DCAF6: variants seen among roughly 807,000 people sequenced by gnomAD.
DCAF6 encodes DDB1- and CUL4-associated factor 6.
In DCAF6, 54 loss-of-function variants were observed where a neutral mutation model predicts 125.1. The ratio of observed to expected loss-of-function variants is 0.43; its 90% confidence interval spans 0.35 to 0.54. The LOEUF (loss-of-function observed/expected upper bound fraction) is 0.54. DCAF6 is among the 20% of genes least tolerant of loss of function. DCAF6 has a pLI of 0.01. For missense variants in DCAF6, 934 were observed against 1,161.7 expected (o/e 0.80, Z 2.85); for synonymous variants, 371 against 390.4 (o/e 0.95, Z 0.58).
intron 11 of DCAF6, 107 bp downstream of exon 11, chr1:168,016,058 C>A: frequency 1.0e-6 from 1 of 997,924 alleles, no homozygotes; most frequent in Non-Finnish European, 1.3e-6. Flanking sequence ...AGCTAATGCG[C>A]TTGCAGCTTA....
At chr1:167,905,200 T>C in the DCAF6 span, 3 of 1,580,056 alleles carry the variant, frequency 1.9e-6, no homozygotes, top group South Asian at 3.3e-5. Flanking sequence ...ATAGGTCTTC[T>C]AAAAAGAAAA....
intron 21 of DCAF6, among the ~76,000 whole-genome samples, chr1:168,074,249 C>G (rs1189259232): frequency 1.3e-5 from 2 of 151,838 alleles, no homozygotes; most frequent in African/African-American, 4.8e-5. Context: ...GCATTTAATC[C>G]TGTGTAGATA....
intron 10 of DCAF6, 104 bp from the exon 11 acceptor site, chr1:168,015,677 A>T (rs1278718885): frequency 9.9e-7 from 1 of 1,010,470 alleles, no homozygotes; most frequent in East Asian, 3.0e-5. Context: ...TCTATGAGAC[A>T]TGTGTTTTGT....
At chr1:168,025,962 C>T (rs1266730530) in intron 12 of DCAF6, among the ~76,000 whole-genome samples, 6 of 152,196 alleles carry the variant, frequency 3.9e-5, no homozygotes, top group African/African-American at 1.4e-4. Flanking sequence ...AATAGACTTA[C>T]TTTCATTTCT....
intron 13 of DCAF6, 26 bp downstream of exon 13, chr1:168,038,514 T>C: frequency 6.8e-7 from 1 of 1,467,716 alleles, no homozygotes. Flanking sequence ...TGTAAAGATG[T>C]TCTTAGCCAT....
the DCAF6 span, among the ~76,000 whole-genome samples, chr1:167,866,023 C>T: frequency 2.6e-5 from 4 of 152,204 alleles, no homozygotes; most frequent in South Asian, 8.3e-4. Context: ...AGAGAGGAAA[C>T]TTAGGATTCC....
Position 168,049,437 on chromosome 1 carries a change from T to G in DCAF6, c.2259-1455T>G, listed in dbSNP as rs200292246. Among the ~76,000 whole-genome samples the G allele has an allele frequency of 5.7e-3, 787 of 138,094 alleles. 7 individuals are homozygous for G. The highest frequency in any genetic ancestry group is 0.051 in the East Asian group (254 of 4,944). The allele number at this position is 138,094 out of a possible 152,430, so 90.6% of individuals were successfully genotyped here. Reference sequence around the variant, plus strand: ...TGTTGTTGTTGTTGTTGTTGTTTTTTTTTTTTTTTTTTTTTAGAAGAGACA... The same window carrying G: ...TGTTGTTGTTGTTGTTGTTGTTTTTGTTTTTTTTTTTTTTTAGAAGAGACA... On this transcript the variant is annotated intron_variant, in intron 16 of 21. Transcript: ENST00000367840.
rs959403927 is a variant in DCAF6 at position 168,002,486 on chromosome 1, G to T, written c.908G>T (p.Arg303Leu). Residue 303 changes from arginine (R) to leucine (L), a missense_variant, in exon 8 of 22, where the codon CGA becomes CTA. This residue lies in a region of DCAF6 where 309 missense variants were observed against 381.2 expected (regional missense o/e 0.81). Coordinates refer to ENST00000367840, the MANE Select transcript of DCAF6 (RefSeq NM_001198956.2). ...PSAEERREELRQPPVKRLRLR... is the reference protein window; with the variant it reads ...PSAEERREELLQPPVKRLRLR... ...TTACCCGTTCTTATTTTTTAGTTGC[G>T]ACAACCACCAGTTAAGCGTTTGAGA... 1 of 1,612,486 alleles carries T rather than the reference G, an allele frequency of 6.2e-7. No homozygotes were observed. Among genetic ancestry groups the T allele is most frequent in the Admixed American group, 1.7e-5 (1 of 59,940 alleles).
At chr1:167,980,688 C>T (rs1678968157) in intron 4 of DCAF6, among the ~76,000 whole-genome samples, 1 of 151,794 alleles carries the variant, frequency 6.6e-6, no homozygotes, top group South Asian at 2.1e-4. Context: ...TTTATATATT[C>T]CGAATATTAT....
chr1:168,067,674 G>A (rs1235744016), intron 20 of DCAF6, among the ~76,000 whole-genome samples: 1 of 152,230 alleles, frequency 6.6e-6, no homozygotes, highest in African/African-American at 2.4e-5. Flanking sequence ...GGGGCACCCT[G>A]ATGAGTTGGG....
intron 6 of DCAF6, among the ~76,000 whole-genome samples, chr1:167,991,701 C>T (rs770504552): frequency 2.6e-5 from 4 of 152,192 alleles, no homozygotes; most frequent in Non-Finnish European, 4.4e-5. Flanking sequence ...TCGATGCCTT[C>T]TCCCCTAGCT....
chr1:168,062,649 C>T (rs1409383650), intron 17 of DCAF6, among the ~76,000 whole-genome samples: 14 of 151,664 alleles, frequency 9.2e-5, no homozygotes, highest in Admixed American at 7.9e-4. Context: ...AGATTATGGA[C>T]GTCTGGTCTG....
rs1273770481 is a variant in DCAF6 at position 167,936,827 on chromosome 1, G to A, written c.-85G>A. 41 of 1,241,030 alleles carry A rather than the reference G, an allele frequency of 3.3e-5. No individual in the cohort carries two copies. Among genetic ancestry groups the A allele is most frequent in the Non-Finnish European group, 4.6e-5 (40 of 873,640 alleles). The allele number at this position is 1,241,030 out of a possible 1,614,324, so 76.9% of individuals were successfully genotyped here. ...CCGGCGCGCGGATGGTGCCGGTGCG[G>A]CTCGGGTGTTGAAACGGGTGTCCCC... is the stretch of plus-strand genomic sequence containing the variant. On this transcript the variant is annotated 5_prime_UTR_variant, in exon 1 of 22. Coordinates refer to ENST00000367840, the MANE Select transcript of DCAF6 (RefSeq NM_001198956.2).
At chr1:167,867,040 C>A in the DCAF6 span, among the ~76,000 whole-genome samples, 1 of 152,226 alleles carries the variant, frequency 6.6e-6, no homozygotes, top group Non-Finnish European at 1.5e-5. Flanking sequence ...GCTAGACTAA[C>A]TAGATACCAA....
chr1:168,068,962 G>T (rs958215786), intron 21 of DCAF6, among the ~76,000 whole-genome samples: 1 of 152,070 alleles, frequency 6.6e-6, no homozygotes, highest in East Asian at 1.9e-4. Flanking sequence ...AAAAGAAAAG[G>T]TCTAGTATCT....
At chr1:167,997,987 A>C (rs1246051237) in intron 7 of DCAF6, among the ~76,000 whole-genome samples, 1 of 152,192 alleles carries the variant, frequency 6.6e-6, no homozygotes, top group East Asian at 1.9e-4. Context: ...TAAAATAAAA[A>C]AGACAGACAA....
chr1:167,987,674 A>C (rs182386078), intron 5 of DCAF6, 66 bp downstream of exon 5: 1 of 803,040 alleles, frequency 1.2e-6, no homozygotes, highest in African/African-American at 1.7e-5. Context: ...ATTGGTTATA[A>C]TTAAAGTTAT....
At chr1:167,920,069 G>A in the DCAF6 span, 1 of 1,612,014 alleles carries the variant, frequency 6.2e-7, no homozygotes, top group Non-Finnish European at 8.5e-7. Flanking sequence ...AATTACAAGT[G>A]AGTATCTTGA....
chr1:167,887,687 A>C, the DCAF6 span, among the ~76,000 whole-genome samples: 2 of 151,968 alleles, frequency 1.3e-5, no homozygotes, highest in Non-Finnish European at 2.9e-5. Context: ...CTAGAACTTA[A>C]AAGTATAATA....
Sources: gnomAD v4.1 joint callset for allele counts (sites outside exome capture counted in the v4.1 genomes callset) on GRCh38, gnomAD v4.1.1 for gene constraint, gnomAD v4.1.1 regional missense constraint, MANE v1.5 for transcripts, NCBI Gene and HGNC (gene_info 2026-07-23, HGNC 2026-07-21) for gene names.